The following CD209 variants were observed in gnomAD, a reference collection of about 807,000 sequenced individuals.
CD209 encodes the protein CD209 antigen.
Under a neutral mutation model 44.7 loss-of-function variants are expected in CD209, and 31 were observed. That is an observed-to-expected ratio of 0.69 (90% CI 0.52 to 0.94). The LOEUF is 0.94. Ranked by LOEUF, CD209 falls within the 40% of genes least tolerant of loss-of-function variation. The pLI is 0.00. For synonymous variants in CD209, 173 were observed against 181.3 expected (o/e 0.95, Z 0.37); for missense variants, 407 against 452.4 (o/e 0.90, Z 0.91).
intron 6 of CD209, 25 bp downstream of exon 6, chr19:7,744,082 A>G: frequency 6.4e-7 from 1 of 1,555,922 alleles, no homozygotes; most frequent in South Asian, 1.1e-5. Context: ...GCCCCAGTGG[A>G]TAGGGTGCCC....
In CD209 at chr19:7,744,163, T is replaced by C. The variant is rs1207304299; in HGVS notation, c.957A>G (p.Ser319=). 6 of 1,614,210 alleles carry C rather than the reference T, an allele frequency of 3.7e-6. No homozygotes were observed. The highest frequency in any genetic ancestry group is 5.1e-6 in the Non-Finnish European group (6 of 1,180,018). The change falls in exon 6 of 7, where the codon TCA becomes TCG. Residue 319 remains serine, a synonymous_variant. Coordinates refer to ENST00000315599, the MANE Select transcript of CD209 (RefSeq NM_021155.4). ...GCCACGTGCCTTCCTGATTTAGATC[T>C]GAAAGTCCCATCCAGGTGAAGCGGT... is the stretch of plus-strand genomic sequence containing the variant. ...RSNRFTWMGL[S]DLNQEGTWQW...
chr19:7,741,068 A>T lies in CD209; in HGVS notation c.*1971T>A. On this transcript the variant is annotated 3_prime_UTR_variant, in exon 7 of 7. Coordinates refer to ENST00000315599, the MANE Select transcript of CD209 (RefSeq NM_021155.4). ...AGCATGTTTACAGTGTTTGGAAAGGAGCAGTGCAGGAGGGATGACTATGAC... is the reference window on the plus strand; with the variant it reads ...AGCATGTTTACAGTGTTTGGAAAGGTGCAGTGCAGGAGGGATGACTATGAC... 1 of 826,870 alleles carries T rather than the reference A, an allele frequency of 1.2e-6. No homozygotes were observed. The highest frequency in any genetic ancestry group is 2.1e-6 in the Non-Finnish European group (1 of 483,158). 51.2% of individuals were successfully genotyped at this position (826,870 alleles called of 1,614,324 possible).
rs778830508 is a variant in CD209, at chr19:7,743,076, G to A, written c.1178C>T (p.Ser393Phe). Residue 393 changes from serine (S) to phenylalanine (F), a missense_variant, in exon 7 of 7, where the codon TCT becomes TTT. This residue lies in a region of CD209 where 200 missense variants were observed against 202.2 expected (regional missense o/e 0.99). Transcript: ENST00000315599. Reference protein sequence around the residue: ...SCSRDEEQFLSPAPATPNPPP... With the variant: ...SCSRDEEQFLFPAPATPNPPP... ...GGGGTTTGGGGTGGCAGGGGCTGGAGAAAGAAACTGTTCTTCATCCCTGGA... is the reference window on the plus strand; with the variant it reads ...GGGGTTTGGGGTGGCAGGGGCTGGAAAAAGAAACTGTTCTTCATCCCTGGA... The A allele has an allele frequency of 1.2e-6, 2 of 1,613,968 alleles. No individual in the cohort carries two copies. The highest frequency in any genetic ancestry group is 1.1e-5 in the South Asian group (1 of 91,072).
chr19:7,743,054 G>T lies in CD209; in HGVS notation c.1200C>A (p.Asn400Lys), dbSNP rs773931530. The stretch of plus-strand genomic sequence containing the variant: ...TGAAGTTCTGCTACGCAGGAGGGGG[G>T]TTTGGGGTGGCAGGGGCTGGAGAAA... ...QFLSPAPATP[N>K]PPPA The change falls in exon 7 of 7, where the codon AAC becomes AAA. Residue 400 changes from asparagine (N) to lysine (K), a missense_variant. This residue lies in a region of CD209 where 200 missense variants were observed against 202.2 expected (regional missense o/e 0.99). Transcript: ENST00000315599. 7 of 1,610,562 alleles carry T rather than the reference G, an allele frequency of 4.3e-6. No individual in the cohort carries two copies. The highest frequency in any genetic ancestry group is 5.9e-6 in the Non-Finnish European group (7 of 1,178,436).
Position 7,747,477 on chromosome 19 carries a change from A to C in CD209, c.35T>G (p.Leu12Arg). 1.9e-6 allele frequency: 3 copies of C among 1,614,202 alleles called. No individual in the cohort carries two copies. The highest frequency in any genetic ancestry group is 2.5e-6 in the Non-Finnish European group (3 of 1,180,042). Residue 12 changes from leucine (L) to arginine (R), a missense_variant, in exon 1 of 7, where the codon CTG becomes CGG. By Grantham distance (102) the Leu-to-Arg change is moderately radical (BLOSUM62 -2). This residue lies in a region of CD209 where 122 missense variants were observed against 110.3 expected (regional missense o/e 1.11). Coordinates refer to ENST00000315599, the MANE Select transcript of CD209 (RefSeq NM_021155.4). ...SDSKEPRLQQ[L>R]GLLEEEQLRG... ...CAACCCAGCCTCACCCAGGAGGCCCAGCTGCTGCAGTCTTGGTTCCTTGGA... is the reference window on the plus strand; with the variant it reads ...CAACCCAGCCTCACCCAGGAGGCCCCGCTGCTGCAGTCTTGGTTCCTTGGA...
At position 7,747,344 on chromosome 19, in the gene CD209, A is replaced by G. The variant is rs765954889; in HGVS notation, c.68T>C (p.Leu23Pro). The change falls in exon 2 of 7, where the codon CTT (leucine) becomes CCT (proline). Residue 23 changes from leucine (L) to proline (P), a missense_variant. This residue lies in a region of CD209 where 122 missense variants were observed against 110.3 expected (regional missense o/e 1.11). Coordinates refer to ENST00000315599, the MANE Select transcript of CD209 (RefSeq NM_021155.4). ...GTATCCTCGAGTCTGTCGGAATCCAAGGCCTCTCAGCTGTTCCTCCTCTGA... is the reference window on the plus strand; with the variant it reads ...GTATCCTCGAGTCTGTCGGAATCCAGGGCCTCTCAGCTGTTCCTCCTCTGA... ...GLLEEEQLRGLGFRQTRGYKS... is the reference protein window; with the variant it reads ...GLLEEEQLRGPGFRQTRGYKS... 2.8e-5 allele frequency: 46 copies of G among 1,614,190 alleles called. No individual in the cohort carries two copies. In the Middle Eastern group the frequency reaches 8.2e-4, roughly 29 times the overall value.
intron 2 of CD209, 44 bp from the exon 3 acceptor site, chr19:7,746,575 A>C: frequency 6.3e-7 from 1 of 1,596,806 alleles, no homozygotes; most frequent in Non-Finnish European, 8.6e-7. Context: ...TCCCCACCGG[A>C]GCCTGGCCCA....
rs1422279382 is a variant in CD209, at chr19:7,745,527, C to G, written c.739G>C (p.Ala247Pro). The G allele has an allele frequency of 6.2e-7, 1 of 1,612,216 alleles. No individual in the cohort carries two copies. Among genetic ancestry groups the G allele is most frequent in the Admixed American group, 1.7e-5 (1 of 59,984 alleles). ...EIYQELTQLK[A>P]AVERLCHPCP... ...GGTTCCAGATACTCACCCACTGCAGCCTTCAGCTGGGTCAGCTCCTGGTAG... is the reference window on the plus strand; with the variant it reads ...GGTTCCAGATACTCACCCACTGCAGGCTTCAGCTGGGTCAGCTCCTGGTAG... Residue 247 changes from alanine (A) to proline (P), a missense_variant, in exon 4 of 7, where the codon GCT (alanine) becomes CCT (proline). By Grantham distance (27) the Ala-to-Pro change is conservative (BLOSUM62 -1). This residue lies in a region of CD209 where 200 missense variants were observed against 202.2 expected (regional missense o/e 0.99). Transcript: ENST00000315599.
In CD209 at chr19:7,740,468, CGAAAAG is replaced by C. The variant is rs2033576231; in HGVS notation, c.*2565_*2570del. On this transcript the variant is annotated 3_prime_UTR_variant, in exon 7 of 7. Coordinates refer to ENST00000315599, the MANE Select transcript of CD209 (RefSeq NM_021155.4). The stretch of plus-strand genomic sequence containing the variant: ...GCGGTGCCGGCAAGATGGCTGCGCC[CGAAAAG>C]GTGACATTTCCAGAGAAACCAAGCC... The C allele has an allele frequency of 1.2e-6, 1 of 840,868 alleles. No homozygotes were observed. The highest frequency in any genetic ancestry group is 2.0e-6 in the Non-Finnish European group (1 of 489,296). The allele number at this position is 840,868 out of a possible 1,614,324, so 52.1% of individuals were successfully genotyped here.
chr19:7,746,580 G>C, intron 2 of CD209, 49 bp from the exon 3 acceptor site: 1 of 1,586,316 alleles, frequency 6.3e-7, no homozygotes, highest in Non-Finnish European at 8.7e-7. Context: ...ACCGGAGCCT[G>C]GCCCAGGGAG....
intron 6 of CD209, 114 bp from the exon 7 acceptor site, chr19:7,743,354 T>G (rs2033680668): frequency 4.5e-6 from 4 of 888,676 alleles, no homozygotes; most frequent in Non-Finnish European, 7.4e-6. Flanking sequence ...ATGCTGGACT[T>G]GAATCCCTCT....
rs370333676 is a variant in CD209, at chr19:7,743,043, G to T, written c.1211C>A (p.Ala404Glu). 5.6e-6 allele frequency: 9 copies of T among 1,606,012 alleles called. No homozygotes were observed. The African/African-American group carries it at 6.7e-5, about 12-fold the overall frequency. The change falls in exon 7 of 7, where the codon GCG (alanine) becomes GAG (glutamate). Residue 404 changes from alanine (A) to glutamate (E), a missense_variant. By Grantham distance (107) the Ala-to-Glu change is moderately radical. This residue lies in a region of CD209 where 200 missense variants were observed against 202.2 expected (regional missense o/e 0.99). Coordinates refer to ENST00000315599, the MANE Select transcript of CD209 (RefSeq NM_021155.4). Reference protein sequence around the residue: ...PAPATPNPPPA With the variant: ...PAPATPNPPPE ...TTAAAAGGGGGTGAAGTTCTGCTAC[G>T]CAGGAGGGGGGTTTGGGGTGGCAGG...
At position 7,741,198 on chromosome 19, in the gene CD209, G is replaced by A. The variant is rs144176155; in HGVS notation, c.*1841C>T. 1.6e-4 allele frequency: 130 copies of A among 808,220 alleles called. 2 individuals are homozygous for A. The East Asian group carries it at 3.6e-3, about 23-fold the overall frequency. 50.1% of individuals were successfully genotyped at this position (808,220 alleles called of 1,614,324 possible). ...TCAAGAACGTGGGGAGAGACTGGGC[G>A]CGGTGGCTCAGGCCTGTAATCCCAG... On this transcript the variant is annotated 3_prime_UTR_variant, in exon 7 of 7. Transcript: ENST00000315599.
rs548713304 is a variant in CD209, at chr19:7,744,259, C to T, written c.901-40G>A. 106 of 1,460,286 alleles carry T rather than the reference C, an allele frequency of 7.3e-5. No homozygotes were observed. The African/African-American group carries it at 9.1e-4, about 12-fold the overall frequency. 90.5% of individuals were successfully genotyped at this position (1,460,286 alleles called of 1,614,324 possible). The stretch of plus-strand genomic sequence containing the variant: ...AGGAGTCAGGAGGGAGCTCTGCTTC[C>T]CATTTTCCAGGCTCTGTCTCCCCAT... On this transcript the variant is annotated intron_variant, in intron 5 of 6. Coordinates refer to ENST00000315599, the MANE Select transcript of CD209 (RefSeq NM_021155.4).
At position 7,741,761 on chromosome 19, in the gene CD209, C is replaced by A; in HGVS notation, c.*1278G>T. 1 of 554,504 alleles carries A rather than the reference C, an allele frequency of 1.8e-6. No individual in the cohort carries two copies. Among genetic ancestry groups the A allele is most frequent in the African/African-American group, 1.9e-5 (1 of 52,002 alleles). The allele number at this position is 554,504 out of a possible 1,614,324, so 34.3% of individuals were successfully genotyped here. ...TCCAAGAGGAAAACACTGCAACTTT[C>A]TTCAGGTGTTGAGAAATCCAATAGA... On this transcript the variant is annotated 3_prime_UTR_variant, in exon 7 of 7. Transcript: ENST00000315599.
At chr19:7,745,416 C>T (rs2033773156) in intron 4 of CD209, 102 bp downstream of exon 4, 4 of 1,599,904 alleles carry the variant, frequency 2.5e-6, no homozygotes, top group East Asian at 4.5e-5. Context: ...GTTCTCATTT[C>T]ACAGATGAGG....
At position 7,746,425 on chromosome 19, in the gene CD209, G is replaced by T. The variant is rs11465375; in HGVS notation, c.178+35C>A. On this transcript the variant is annotated intron_variant, in intron 3 of 6. Transcript: ENST00000315599. ...CTGTGTCCACAGCCAAAAGCCAGGC[G>T]TGGGGACCCCAGACCCTCAGAACCT... The T allele has an allele frequency of 3.7e-6, 6 of 1,608,326 alleles. No homozygotes were observed. In the Admixed American group the frequency reaches 6.7e-5, roughly 18 times the overall value.
chr19:7,742,740 GGACA>G lies in CD209; in HGVS notation c.*295_*298del, dbSNP rs2033654283. The G allele has an allele frequency of 5.7e-5, 26 of 456,044 alleles. No homozygotes were observed. The South Asian group carries it at 6.6e-4, about 12-fold the overall frequency. The allele number at this position is 456,044 out of a possible 1,614,324, so 28.2% of individuals were successfully genotyped here. ...TGCATGTATAAGATAACGCCCCAGG[GGACA>G]TAGCAGCTACACATGGCAACCCAAA... On this transcript the variant is annotated 3_prime_UTR_variant, in exon 7 of 7. Coordinates refer to ENST00000315599, the MANE Select transcript of CD209 (RefSeq NM_021155.4).
chr19:7,741,355 T>G lies in CD209; in HGVS notation c.*1684A>C. Reference sequence around the variant, plus strand: ...CGCAGTGGTGCACGCCCAGCTAATTTTTGTACTTTTAGTGGAGTCCCAGCT... The same window carrying G: ...CGCAGTGGTGCACGCCCAGCTAATTGTTGTACTTTTAGTGGAGTCCCAGCT... On this transcript the variant is annotated 3_prime_UTR_variant, in exon 7 of 7. Transcript: ENST00000315599. The G allele has an allele frequency of 2.8e-6, 1 of 359,426 alleles. No individual in the cohort carries two copies. Among genetic ancestry groups the G allele is most frequent in the Non-Finnish European group, 5.2e-6 (1 of 193,250 alleles). 22.3% of individuals were successfully genotyped at this position (359,426 alleles called of 1,614,324 possible). A position where few individuals can be genotyped will look rare whatever the true frequency, so the allele number is the denominator to read the frequency against.
Sources: gnomAD v4.1 joint callset for allele counts on GRCh38, gnomAD v4.1.1 for gene constraint, gnomAD v4.1.1 regional missense constraint, MANE v1.5 for transcripts, NCBI Gene and HGNC (gene_info 2026-07-23, HGNC 2026-07-21) for gene names.